Variants in DNAH14 observed in about 807,000 individuals in gnomAD.
The protein encoded by DNAH14 is axonemal beta dynein heavy chain 14.
A neutral mutation model predicts 520.9 loss-of-function variants in DNAH14; 478 were observed. The observed-to-expected ratio is 0.92, with a 90% confidence interval of 0.85 to 0.99. The LOEUF (loss-of-function observed/expected upper bound fraction) is 0.99, where lower values mean the gene tolerates loss of function less well. Ranked by LOEUF, DNAH14 falls within the 50% of genes least tolerant of loss-of-function variation. DNAH14 has a pLI of 0.00. For missense variants in DNAH14, 4,831 were observed against 5,234.5 expected (o/e 0.92, Z 2.38); for synonymous variants, 1,581 against 1,757.2 (o/e 0.90, Z 2.51).
In DNAH14 at chr1:225,160,544, C is replaced by T. The variant is rs186261477; in HGVS notation, c.5445+1059C>T. Among the ~76,000 whole-genome samples the T allele has an allele frequency of 3.6e-4, 55 of 152,186 alleles. No individual in the cohort carries two copies. The East Asian group carries it at 9.8e-3, about 27-fold the overall frequency. ...TGGACCAGGAGTTATGAGAGGATGG[C>T]TCTTTCATGGTTCTAATCTGTGAAA... On this transcript the variant is annotated intron_variant, in intron 35 of 85. Coordinates refer to ENST00000682510, the MANE Select transcript of DNAH14 (RefSeq NM_001367479.1).
At chr1:225,276,316 A>G (rs1194549882) in intron 53 of DNAH14, among the ~76,000 whole-genome samples, 2 of 152,134 alleles carry the variant, frequency 1.3e-5, no homozygotes, top group Non-Finnish European at 2.9e-5. Context: ...ATTTCATCTT[A>G]TTTGTCTCAT....
chr1:225,159,937 T>C (rs2081371671), intron 35 of DNAH14, among the ~76,000 whole-genome samples: 1 of 152,168 alleles, frequency 6.6e-6, no homozygotes, highest in Admixed American at 6.6e-5. Flanking sequence ...TGCCTTAATC[T>C]AGGTAAGAAC....
intron 84 of DNAH14, among the ~76,000 whole-genome samples, chr1:225,393,939 C>T (rs372924410): frequency 1.3e-5 from 2 of 151,958 alleles, no homozygotes; most frequent in South Asian, 4.1e-4. Flanking sequence ...CTGCCTCAGC[C>T]TCCCAAGCAG....
intron 8 of DNAH14, among the ~76,000 whole-genome samples, chr1:224,978,406 T>C (rs186615205): frequency 6.6e-6 from 1 of 152,190 alleles, no homozygotes; most frequent in Non-Finnish European, 1.5e-5. Flanking sequence ...AAGTCAGGCA[T>C]GGAAAGATAA....
intron 50 of DNAH14, 100 bp downstream of exon 50, chr1:225,270,966 T>G: frequency 8.1e-7 from 1 of 1,232,832 alleles, no homozygotes; most frequent in Non-Finnish European, 1.1e-6. Context: ...AAAATTACTT[T>G]AAGGGGATAG....
intron 36 of DNAH14, among the ~76,000 whole-genome samples, chr1:225,175,606 T>TA (rs763405520): frequency 8.9e-4 from 135 of 152,056 alleles, no homozygotes; most frequent in Non-Finnish European, 1.4e-3. Flanking sequence ...TGATCTTTTG[T>TA]ATTTTTTACT....
intron 17 of DNAH14, among the ~76,000 whole-genome samples, chr1:225,057,871 C>T (rs1327190645): frequency 2.6e-5 from 4 of 152,158 alleles, no homozygotes; most frequent in Non-Finnish European, 5.9e-5. Context: ...GCATCCCAGG[C>T]ATGAAGCCCA....
intron 8 of DNAH14, among the ~76,000 whole-genome samples, chr1:224,976,583 G>A (rs1473126566): frequency 6.6e-6 from 1 of 151,980 alleles, no homozygotes; most frequent in Admixed American, 6.6e-5. Flanking sequence ...TTCGCAACCT[G>A]CTCATCTGAC....
At chr1:225,053,487 T>C (rs2068739185) in intron 17 of DNAH14, among the ~76,000 whole-genome samples, 2 of 152,100 alleles carry the variant, frequency 1.3e-5, no homozygotes, top group South Asian at 4.1e-4. Context: ...TAATTTGCAT[T>C]TTTGTGTGGA....
At chr1:225,182,919 A>G (rs954049215) in intron 36 of DNAH14, among the ~76,000 whole-genome samples, 1 of 152,170 alleles carries the variant, frequency 6.6e-6, no homozygotes, top group Non-Finnish European at 1.5e-5. Flanking sequence ...CCATAGTACA[A>G]CAGTCCTTGG....
At position 225,348,310 on chromosome 1, in the gene DNAH14, T is replaced by C. The variant is rs368180483; in HGVS notation, c.11296+1656T>C. On this transcript the variant is annotated intron_variant, in intron 71 of 85. Coordinates refer to ENST00000682510, the MANE Select transcript of DNAH14 (RefSeq NM_001367479.1). ...AGAGAGAAAAGGGTAGAGAAATTCTTTGAAGAAACAATCGCTAAATACTTC... is the reference window on the plus strand; with the variant it reads ...AGAGAGAAAAGGGTAGAGAAATTCTCTGAAGAAACAATCGCTAAATACTTC... Among the ~76,000 whole-genome samples, 21 of 152,214 alleles carry C rather than the reference T, an allele frequency of 1.4e-4. 1 individual carries two copies. The East Asian group carries it at 2.5e-3, about 18-fold the overall frequency.
At chr1:225,202,716 A>G (rs559329339) in intron 38 of DNAH14, among the ~76,000 whole-genome samples, 10 of 152,138 alleles carry the variant, frequency 6.6e-5, no homozygotes, top group Non-Finnish European at 1.5e-4. Flanking sequence ...GAGACTTCTC[A>G]ATCAGTTCAA....
chr1:225,050,377 GTAAGTTT>G lies in DNAH14; in HGVS notation c.2079+5_2079+11del. The G allele has an allele frequency of 6.5e-7, 1 of 1,540,166 alleles. No homozygotes were observed. On this transcript the variant is annotated splice_donor_variant and splice_donor_5th_base_variant and intron_variant, in intron 16 of 85. Coordinates refer to ENST00000682510, the MANE Select transcript of DNAH14 (RefSeq NM_001367479.1). LOFTEE classifies it high-confidence loss of function. ...AACAGATCCTGCCTACCAAAATATA[GTAAGTTT>G]TAAAACAGTTCATTTTAGGAAATGT...
intron 57 of DNAH14, 54 bp downstream of exon 57, chr1:225,303,401 T>C (rs1248903028): frequency 1.4e-6 from 2 of 1,470,994 alleles, no homozygotes; most frequent in Non-Finnish European, 1.8e-6. Context: ...TCTGATGGTA[T>C]TATGCCTCTG....
chr1:225,341,343 C>T (rs575487731), intron 69 of DNAH14, among the ~76,000 whole-genome samples: 201 of 152,200 alleles, frequency 1.3e-3, no homozygotes, highest in Non-Finnish European at 2.4e-3. Flanking sequence ...TGCTGTTGGC[C>T]GGGCACGGTG....
At chr1:225,094,651 C>A (rs1573018751) in intron 21 of DNAH14, among the ~76,000 whole-genome samples, 3 of 80,374 alleles carry the variant, frequency 3.7e-5, no homozygotes, top group Non-Finnish European at 4.6e-5. Context: ...AAAGCTTCTG[C>A]ACAGCAAAAA....
intron 60 of DNAH14, among the ~76,000 whole-genome samples, chr1:225,313,066 T>C (rs1052070964): frequency 1.3e-5 from 2 of 152,244 alleles, no homozygotes; most frequent in African/African-American, 4.8e-5. Context: ...TTAATCCATC[T>C]GGTCCTGGGC....
chr1:225,007,143 G>C (rs1342775370), intron 9 of DNAH14, among the ~76,000 whole-genome samples: 3 of 152,114 alleles, frequency 2.0e-5, no homozygotes, highest in Non-Finnish European at 2.9e-5. Flanking sequence ...ATGCATAAAT[G>C]TTTAAAAAAC....
rs544642847 is a variant in DNAH14, at chr1:225,056,812, G to C, written c.2424+5017G>C. Among the ~76,000 whole-genome samples the C allele has an allele frequency of 2.6e-3, 393 of 152,152 alleles. 4 individuals carry two copies. Among genetic ancestry groups the C allele is most frequent in the African/African-American group, 9.2e-3 (381 of 41,504 alleles). ...AATACTTTCCCCATTTCTTGTTTTT[G>C]TCAGGTTTGTCAAAGATCAGATGGT... On this transcript the variant is annotated intron_variant, in intron 17 of 85. Coordinates refer to ENST00000682510, the MANE Select transcript of DNAH14 (RefSeq NM_001367479.1).
Sources: gnomAD v4.1 joint callset for allele counts (sites outside exome capture counted in the v4.1 genomes callset) on GRCh38, gnomAD v4.1.1 for gene constraint, MANE v1.5 for transcripts, NCBI Gene and HGNC (gene_info 2026-07-23, HGNC 2026-07-21) for gene names.